The following FAM185A variants were observed in gnomAD, a reference collection of about 807,000 sequenced individuals.
The protein encoded by FAM185A is family with sequence similarity 185 member A.
Under a neutral mutation model 45.7 loss-of-function variants are expected in FAM185A, and 21 were observed. The ratio of observed to expected loss-of-function variants is 0.46; its 90% CI spans 0.33 to 0.66. FAM185A has a LOEUF of 0.66. FAM185A is among the 30% of genes least tolerant of loss of function. The pLI, the probability that FAM185A is intolerant of heterozygous loss-of-function variation, is 0.03. For missense variants in FAM185A, 305 were observed against 485.4 expected, an observed-to-expected ratio of 0.63 and a Z score of 3.49; for synonymous variants, 117 against 194.0, an observed-to-expected ratio of 0.60 and a Z score of 3.30.
At chr7:102,764,862 C>A (rs1794296448) in intron 4 of FAM185A, among the ~76,000 whole-genome samples, 2 of 151,818 alleles carry the variant, frequency 1.3e-5, no homozygotes, top group Non-Finnish European at 2.9e-5. Context: ...GTTGTAAAAA[C>A]CATTTATACA....
intron 6 of FAM185A, chr7:102,779,681 A>C (rs1207224557): frequency 6.6e-6 from 1 of 152,022 alleles, no homozygotes; most frequent in East Asian, 1.9e-4. Flanking sequence ...GAACCCTGGA[A>C]AGCAATTAAG....
At chr7:102,791,015 G>A (rs937182179) in intron 7 of FAM185A, among the ~76,000 whole-genome samples, 24 of 152,156 alleles carry the variant, frequency 1.6e-4, no homozygotes, top group Admixed American at 1.1e-3. Context: ...TGTTATAAAC[G>A]TATGTACATT....
intron 6 of FAM185A, among the ~76,000 whole-genome samples, chr7:102,778,145 A>G (rs1486038846): frequency 6.6e-6 from 1 of 152,224 alleles, no homozygotes; most frequent in East Asian, 1.9e-4. Context: ...ACAGAGACTG[A>G]TTGTTCCTGC....
intron 4 of FAM185A, among the ~76,000 whole-genome samples, chr7:102,766,155 A>G (rs1794382703): frequency 6.6e-6 from 1 of 152,292 alleles, no homozygotes; most frequent in African/African-American, 2.4e-5. Flanking sequence ...TGATTTAAAC[A>G]AACTGATTCG....
chr7:102,794,009 C>CAG (rs1314883822), intron 7 of FAM185A, among the ~76,000 whole-genome samples: 1 of 138,246 alleles, frequency 7.2e-6, no homozygotes, highest in Non-Finnish European at 1.5e-5. Flanking sequence ...CACTGGACTC[C>CAG]AGCCTGGGTG....
intron 1 of FAM185A, 125 bp from the exon 2 acceptor site, chr7:102,751,567 C>T: frequency 8.7e-7 from 1 of 1,152,804 alleles, no homozygotes. Context: ...CTTACCTTTA[C>T]AGTATGCACT....
the FAM185A span, among the ~76,000 whole-genome samples, chr7:102,818,080 C>T: frequency 6.6e-6 from 1 of 152,172 alleles, no homozygotes; most frequent in Non-Finnish European, 1.5e-5. Context: ...ACACTGTGTG[C>T]CTTAGCTCAC....
chr7:102,794,741 A>T (rs1295187824), intron 7 of FAM185A, among the ~76,000 whole-genome samples: 1 of 152,274 alleles, frequency 6.6e-6, no homozygotes, highest in East Asian at 1.9e-4. Context: ...GTAATAGCCA[A>T]AAAACTGGAA....
chr7:102,813,649 A>G (rs886952720), downstream of FAM185A: 15 of 1,016,346 alleles, frequency 1.5e-5, no homozygotes, highest in Middle Eastern at 2.7e-4. Flanking sequence ...TTCACATGAG[A>G]CCTCTCTTGC....
downstream of FAM185A, among the ~76,000 whole-genome samples, chr7:102,810,109 C>T (rs944122645): frequency 2.6e-5 from 4 of 152,188 alleles, no homozygotes; most frequent in African/African-American, 9.6e-5. Context: ...ACCAATTAAA[C>T]CTCGTGAGTC....
intron 4 of FAM185A, among the ~76,000 whole-genome samples, chr7:102,765,757 G>T (rs1169155596): frequency 1.3e-5 from 2 of 151,762 alleles, no homozygotes; most frequent in Non-Finnish European, 2.9e-5. Context: ...AATCACATCT[G>T]TTAAGTGTGT....
At chr7:102,780,543 T>G (rs1028531985) in intron 6 of FAM185A, among the ~76,000 whole-genome samples, 6 of 152,172 alleles carry the variant, frequency 3.9e-5, no homozygotes, top group Non-Finnish European at 7.3e-5. Flanking sequence ...TGTTATTTTT[T>G]GTTACACACA....
Position 102,751,719 on chromosome 7 carries a change from G to C in FAM185A, c.479G>C (p.Gly160Ala). The part of the protein sequence containing the change: ...FGLDIKSSGS[G>A]CVKVQSIEGD... ...TTAGATATCAAGTCATCAGGGTCTG[G>C]CTGTGTAAAAGTTCAAAGTATTGAG... Residue 160 changes from glycine to alanine, a missense_variant, in exon 2 of 8, where the codon GGC becomes GCC. By Grantham distance (60) the Gly-to-Ala change is moderately conservative (BLOSUM62 0). Around this residue, in one of 5 missense-constraint regions of FAM185A, gnomAD observed 174 missense variants for 247.1 expected, o/e 0.70. Coordinates refer to ENST00000413034, the MANE Select transcript of FAM185A (RefSeq NM_001145268.2). 6.4e-7 allele frequency: 1 copy of C among 1,551,132 alleles called. No individual in the cohort carries two copies.
intron 2 of FAM185A, among the ~76,000 whole-genome samples, chr7:102,752,003 CA>C (rs762662693): frequency 6.6e-6 from 1 of 151,630 alleles, no homozygotes; most frequent in African/African-American, 2.4e-5. Context: ...GGTTTTGCCT[CA>C]AATTTCTTTT....
the FAM185A span, among the ~76,000 whole-genome samples, chr7:102,815,291 T>C: frequency 6.6e-6 from 1 of 152,238 alleles, no homozygotes; most frequent in Non-Finnish European, 1.5e-5. Flanking sequence ...TAATTATTTA[T>C]AATTTTAAAC....
rs1289693721 is a variant in FAM185A, at chr7:102,797,335, C to T, written c.1066+9866C>T. 1.7e-3 allele frequency among the ~76,000 whole-genome samples: 262 copies of T among 151,318 alleles called. 1 individual carries two copies. The highest frequency in any genetic ancestry group is 1.0e-3 in the Non-Finnish European group (71 of 67,694). The stretch of plus-strand genomic sequence containing the variant: ...AAAATTAGCTGGGTGTGGTGGCACG[C>T]GGCTGTAGTCCCAGCTACTCGGGAG... On this transcript the variant is annotated intron_variant, in intron 7 of 7. Coordinates refer to ENST00000413034, the MANE Select transcript of FAM185A (RefSeq NM_001145268.2).
At chr7:102,769,999 C>T (rs926615418) in intron 4 of FAM185A, among the ~76,000 whole-genome samples, 1 of 152,118 alleles carries the variant, frequency 6.6e-6, no homozygotes, top group African/African-American at 2.4e-5. Flanking sequence ...ACTAAGTTTC[C>T]AACACATGAA....
At chr7:102,765,016 A>G (rs1289061735) in intron 4 of FAM185A, among the ~76,000 whole-genome samples, 1 of 152,276 alleles carries the variant, frequency 6.6e-6, no homozygotes, top group African/African-American at 2.4e-5. Context: ...TTAATGAACA[A>G]TTGGCTGTTC....
At chr7:102,773,863 T>G (rs1365574821) in intron 5 of FAM185A, among the ~76,000 whole-genome samples, 1 of 152,190 alleles carries the variant, frequency 6.6e-6, no homozygotes, top group Admixed American at 6.6e-5. Flanking sequence ...ATTCATTGAT[T>G]TATTTGGTGA....
Sources: allele counts gnomAD v4.1 joint callset (sites outside exome capture counted in the v4.1 genomes callset), GRCh38; gene constraint gnomAD v4.1.1; regional missense constraint gnomAD v4.1.1; transcripts MANE v1.5; gene names NCBI Gene and HGNC (gene_info 2026-07-23, HGNC 2026-07-21).